USP20: variants seen among roughly 807,000 people sequenced by gnomAD.
USP20 encodes ubiquitin carboxyl-terminal hydrolase 20.
Under a neutral mutation model 124.2 loss-of-function variants are expected in USP20, and 80 were observed. That is an observed-to-expected ratio of 0.64 (90% CI 0.54 to 0.78). The LOEUF (loss-of-function observed/expected upper bound fraction) is 0.78, where lower values mean the gene tolerates loss of function less well. Among genes scored for constraint, USP20 ranks in the 30% least tolerant of loss-of-function variants. The pLI is 0.00. For synonymous variants in USP20, 481 were observed against 512.3 expected, an observed-to-expected ratio of 0.94 and a Z score of 0.83; for missense variants, 1,043 against 1,244.4, an observed-to-expected ratio of 0.84 and a Z score of 2.44.
chr9:129,858,200 T>C (rs901447367), intron 5 of USP20, 88 bp downstream of exon 5: 1 of 1,400,678 alleles, frequency 7.1e-7, no homozygotes, highest in Non-Finnish European at 1.0e-6. Flanking sequence ...TGGGCCTAAA[T>C]GGCTGGGGCA....
At chr9:129,873,567 A>G in intron 16 of USP20, 52 bp downstream of exon 16, 5 of 1,613,734 alleles carry the variant, frequency 3.1e-6, no homozygotes, top group Non-Finnish European at 4.2e-6. Context: ...TGTGCCCTAC[A>G]TATTCCCCTT....
intron 21 of USP20, among the ~76,000 whole-genome samples, 154 bp from the exon 22 acceptor site, chr9:129,875,976 G>T (rs548791763): frequency 3.9e-5 from 4 of 102,448 alleles, no homozygotes; most frequent in Non-Finnish European, 8.7e-5. Context: ...CTGCTCCGTT[G>T]CAGGCTCTGT....
chr9:129,870,020 C>T, intron 14 of USP20, 176 bp downstream of exon 14: 1 of 738,044 alleles, frequency 1.4e-6, no homozygotes, highest in South Asian at 1.8e-5. Flanking sequence ...TTCTTGGCTA[C>T]TTTGAAGTGG....
At chr9:129,843,686 G>A (rs1014687337) in intron 1 of USP20, among the ~76,000 whole-genome samples, 22 of 151,892 alleles carry the variant, frequency 1.4e-4, no homozygotes, top group Non-Finnish European at 3.2e-4. Context: ...GCAGTGAGCC[G>A]AGATCACACC....
intron 9 of USP20, among the ~76,000 whole-genome samples, chr9:129,864,320 T>C (rs7023940): frequency 0.86 from 131,009 of 151,500 alleles, 56,985 homozygotes; most frequent in East Asian, 0.98. Flanking sequence ...ACTACAAAAT[T>C]AGCTGAGTGT....
chr9:129,845,987 C>CTT (rs2032516931), intron 1 of USP20, among the ~76,000 whole-genome samples: 1 of 151,522 alleles, frequency 6.6e-6, no homozygotes, highest in Non-Finnish European at 1.5e-5. Flanking sequence ...CGCAGTGGTG[C>CTT]GATCTCGGCT....
At chr9:129,871,149 T>G (rs931940177) in intron 15 of USP20, among the ~76,000 whole-genome samples, 4 of 152,142 alleles carry the variant, frequency 2.6e-5, no homozygotes, top group African/African-American at 9.7e-5. Context: ...CTTGCAAACC[T>G]GAAACTCAGT....
Position 129,869,395 on chromosome 9 carries a change from C to G in USP20, c.1362C>G (p.Leu454=). Residue 454 remains leucine, a synonymous_variant, in exon 13 of 26, where the codon CTC becomes CTG. Transcript: ENST00000372429. ...CAGACATCTTTGACGGCTCCATTCTCAGCCTTGTGCAGTGTCTCACCTGTG... is the reference window on the plus strand; with the variant it reads ...CAGACATCTTTGACGGCTCCATTCTGAGCCTTGTGCAGTGTCTCACCTGTG... ...VISDIFDGSI[L]SLVQCLTCDR... is the part of the protein sequence containing the mutation. 1 of 1,613,686 alleles carries G rather than the reference C, an allele frequency of 6.2e-7. No homozygotes were observed. The highest frequency in any genetic ancestry group is 8.5e-7 in the Non-Finnish European group (1 of 1,179,988).
At chr9:129,841,218 G>T (rs1487320901) in intron 1 of USP20, among the ~76,000 whole-genome samples, 2 of 152,184 alleles carry the variant, frequency 1.3e-5, no homozygotes, top group East Asian at 3.8e-4. Flanking sequence ...CGACAGGTTT[G>T]GTTCTTCTGA....
chr9:129,844,822 A>C (rs1331473193), intron 1 of USP20, among the ~76,000 whole-genome samples: 2 of 151,924 alleles, frequency 1.3e-5, no homozygotes, highest in African/African-American at 4.8e-5. Context: ...ATGCCTTTAA[A>C]ATTTTCAGGA....
intron 3 of USP20, 85 bp downstream of exon 3, chr9:129,852,721 A>G: frequency 7.3e-7 from 1 of 1,361,836 alleles, no homozygotes; most frequent in Non-Finnish European, 1.0e-6. Flanking sequence ...AGCAGTGGAA[A>G]AACTGGTTCC....
Position 129,875,493 on chromosome 9 carries a change from T to TGTGGTGGGAGAGC in USP20, c.2218+15_2218+27dup. On this transcript the variant is annotated intron_variant, in intron 20 of 25. Coordinates refer to ENST00000372429, the MANE Select transcript of USP20 (RefSeq NM_001110303.4). ...GCTCCCACGGAGGTGAGGCGCCCCCTGTGGTGGGAGAGCAGGGTGGGCAGC... is the reference window on the plus strand; with the variant it reads ...GCTCCCACGGAGGTGAGGCGCCCCCTGTGGTGGGAGAGCGTGGTGGGAGAGCAGGGTGGGCAGC... 1 of 1,612,370 alleles carries TGTGGTGGGAGAGC rather than the reference T, an allele frequency of 6.2e-7. No homozygotes were observed. The highest frequency in any genetic ancestry group is 8.5e-7 in the Non-Finnish European group (1 of 1,178,966).
chr9:129,873,078 T>TCC, intron 15 of USP20, among the ~76,000 whole-genome samples: 1 of 75,680 alleles, frequency 1.3e-5, no homozygotes, highest in African/African-American at 4.0e-5. Flanking sequence ...CTTTTTCTTC[T>TCC]TCTTTTTTTT....
intron 17 of USP20, 29 bp from the exon 18 acceptor site, chr9:129,874,547 G>T (rs2034288537): frequency 6.2e-7 from 1 of 1,609,564 alleles, no homozygotes; most frequent in African/African-American, 1.3e-5. Context: ...TTTCTTCCTA[G>T]ATGACCGGCG....
At chr9:129,853,987 A>G (rs1257486248) in intron 3 of USP20, among the ~76,000 whole-genome samples, 1 of 110,592 alleles carries the variant, frequency 9.0e-6, no homozygotes, top group Non-Finnish European at 1.9e-5. Context: ...ACACCGTTCT[A>G]AAATACTCAG....
At chr9:129,867,177 C>T (rs542141164) in intron 10 of USP20, among the ~76,000 whole-genome samples, 9 of 152,288 alleles carry the variant, frequency 5.9e-5, no homozygotes, top group African/African-American at 1.9e-4. Context: ...CAGCACCACC[C>T]GAGCACCCGC....
chr9:129,859,353 A>G (rs2033416568), intron 6 of USP20, among the ~76,000 whole-genome samples: 3 of 144,394 alleles, frequency 2.1e-5, no homozygotes, highest in South Asian at 4.4e-4. Context: ...ATCTCACTAC[A>G]ACCTCTGCCT....
chr9:129,858,820 C>CT (rs1228654423), intron 6 of USP20, among the ~76,000 whole-genome samples: 1 of 152,162 alleles, frequency 6.6e-6, no homozygotes, highest in African/African-American at 2.4e-5. Flanking sequence ...GCAGAGGTGA[C>CT]TGAGAGTAGG....
rs762777991 is a variant in USP20, at chr9:129,874,669, C to A, written c.1834C>A (p.Leu612Met). ...HVSFPLEGLD[L>M]RPFLAKECTS... ...CTCCTTCCCCCTCGAGGGGCTCGAC[C>A]TGCGCCCCTTCCTTGCCAAGGAGTG... Residue 612 changes from leucine (L) to methionine (M), a missense_variant, in exon 18 of 26, where the codon CTG (leucine) becomes ATG (methionine). By Grantham distance (15) the Leu-to-Met change is conservative. Coordinates refer to ENST00000372429, the MANE Select transcript of USP20 (RefSeq NM_001110303.4). 8 of 1,613,856 alleles carry A rather than the reference C, an allele frequency of 5.0e-6. No homozygotes were observed. The highest frequency in any genetic ancestry group is 6.8e-6 in the Non-Finnish European group (8 of 1,180,038).
Sources: gnomAD v4.1 joint callset for allele counts (sites outside exome capture counted in the v4.1 genomes callset) on GRCh38, gnomAD v4.1.1 for gene constraint, MANE v1.5 for transcripts, NCBI Gene and HGNC (gene_info 2026-07-23, HGNC 2026-07-21) for gene names.